Variants in MATR3 observed in about 807,000 individuals in gnomAD.
MATR3 encodes the protein matrin 3.
Under a neutral mutation model 85.5 loss-of-function variants are expected in MATR3, and 4 were observed. The observed-to-expected ratio is 0.05, with a 90% CI of 0.02 to 0.11. The LOEUF (loss-of-function observed/expected upper bound fraction) is 0.11. MATR3 is among the 10% of genes least tolerant of loss of function. The pLI, the probability that MATR3 is intolerant of heterozygous loss-of-function variation, is 1.00. For synonymous variants in MATR3, 336 were observed against 343.1 expected, an observed-to-expected ratio of 0.98 and a Z score of 0.23; for missense variants, 685 against 1,016.1, an observed-to-expected ratio of 0.67 and a Z score of 4.43.
chr5:139,297,681 G>C (rs1474370003), intron 1 of MATR3, among the ~76,000 whole-genome samples: 4 of 152,098 alleles, frequency 2.6e-5, no homozygotes, highest in Non-Finnish European at 5.9e-5. Flanking sequence ...GAGTGCCTTT[G>C]ATGTGATGTA....
At chr5:139,321,112 A>AT (rs1459425571) in intron 9 of MATR3, among the ~76,000 whole-genome samples, 1 of 151,438 alleles carries the variant, frequency 6.6e-6, no homozygotes, top group Non-Finnish European at 1.5e-5. Flanking sequence ...CACTAAAGTG[A>AT]TTCTTGGGGA....
chr5:139,308,870 C>CT (rs1239130434), intron 2 of MATR3, among the ~76,000 whole-genome samples: 1 of 152,036 alleles, frequency 6.6e-6, no homozygotes, highest in Non-Finnish European at 1.5e-5. Flanking sequence ...TTTAATTTCC[C>CT]TTTAACACAA....
At chr5:139,291,069 A>G (rs1197799454), upstream of MATR3, among the ~76,000 whole-genome samples, 1 of 152,112 alleles carries the variant, frequency 6.6e-6, no homozygotes, top group African/African-American at 2.4e-5. Flanking sequence ...GCAGTGAGCC[A>G]TGGTCACACC....
At chr5:139,308,892 A>G (rs1451987076) in intron 2 of MATR3, among the ~76,000 whole-genome samples, 2 of 152,138 alleles carry the variant, frequency 1.3e-5, no homozygotes, top group African/African-American at 2.4e-5. Context: ...CTCTCATACT[A>G]TGACTGAAAT....
At chr5:139,293,955 T>A (rs1035343082) in intron 1 of MATR3, 150 bp downstream of exon 1, 3 of 1,212,898 alleles carry the variant, frequency 2.5e-6, no homozygotes, top group Non-Finnish European at 3.1e-6. Flanking sequence ...GCGTTGCGTA[T>A]GTGAGCCGCC....
At chr5:139,275,249 A>G (rs532907581) in intron 1 of MATR3, among the ~76,000 whole-genome samples, 3 of 143,410 alleles carry the variant, frequency 2.1e-5, no homozygotes, top group Non-Finnish European at 4.5e-5. Flanking sequence ...CGCCAGCCTC[A>G]GCCTCCCAAA....
At chr5:139,284,679 CAT>C (rs1048662082) in intron 3 of MATR3, among the ~76,000 whole-genome samples, 40 of 151,888 alleles carry the variant, frequency 2.6e-4, no homozygotes, top group East Asian at 9.7e-4. Context: ...AACTAAAACA[CAT>C]GTGTAGGCTT....
intron 1 of MATR3, chr5:139,294,249 C>A (rs1236742763): frequency 2.5e-6 from 1 of 407,470 alleles, no homozygotes; most frequent in Non-Finnish European, 4.3e-6. Flanking sequence ...TGGGGGCTTG[C>A]CGTTTGAGGA....
rs886060002 is a variant in MATR3 at position 139,331,394 on chromosome 5, G to A, written c.*1999G>A. The A allele has an allele frequency of 2.2e-6, 1 of 453,968 alleles. No individual in the cohort carries two copies. The highest frequency in any genetic ancestry group is 2.0e-5 in the African/African-American group (1 of 49,998). The allele number at this position is 453,968 out of a possible 1,614,324, so 28.1% of individuals were successfully genotyped here. ...TCTTCAGTGTTTCCTTTCAGTGATG[G>A]CTTTTTCATAGCTTCAACTTTGTTG... On this transcript the variant is annotated 3_prime_UTR_variant, in exon 15 of 15. Transcript: ENST00000394805.
intron 14 of MATR3, among the ~76,000 whole-genome samples, chr5:139,327,596 T>G (rs1395835276): frequency 6.6e-6 from 1 of 152,028 alleles, no homozygotes; most frequent in East Asian, 1.9e-4. Flanking sequence ...TAATTTTGTA[T>G]TTTTAGTGGA....
upstream of MATR3, among the ~76,000 whole-genome samples, chr5:139,289,177 T>C (rs1191867989): frequency 2.0e-5 from 3 of 152,268 alleles, no homozygotes; most frequent in African/African-American, 7.2e-5. Context: ...AATCACATTT[T>C]GTAAGCTTTG....
upstream of MATR3, among the ~76,000 whole-genome samples, chr5:139,290,603 C>G (rs1168712631): frequency 6.6e-6 from 1 of 151,538 alleles, no homozygotes; most frequent in African/African-American, 2.4e-5. Context: ...GCGTATGCCA[C>G]CACGCCTGGG....
chr5:139,301,211 C>G (rs999179997), intron 1 of MATR3, among the ~76,000 whole-genome samples: 4 of 152,118 alleles, frequency 2.6e-5, no homozygotes, highest in African/African-American at 9.7e-5. Context: ...TGTAATAGAA[C>G]CAGGATTCAC....
chr5:139,321,971 T>G lies in MATR3; in HGVS notation c.1676T>G (p.Phe559Cys). 1 of 1,614,090 alleles carries G rather than the reference T, an allele frequency of 6.2e-7. No homozygotes were observed. The highest frequency in any genetic ancestry group is 8.5e-7 in the Non-Finnish European group (1 of 1,179,960). ...VDHCLKKALW[F>C]QGRCVKVDLS... The stretch of plus-strand genomic sequence containing the variant: ...CATTGTTTGAAAAAAGCCCTTTGGT[T>G]TCAGGGGAGATGTGTGAAGGTTGAC... The change falls in exon 10 of 15, where the codon TTT becomes TGT. Residue 559 changes from phenylalanine (F) to cysteine (C), a missense_variant. Coordinates refer to ENST00000394805, the MANE Select transcript of MATR3 (RefSeq NM_018834.6).
At chr5:139,292,582 C>G (rs997817721), upstream of MATR3, among the ~76,000 whole-genome samples, 1 of 152,178 alleles carries the variant, frequency 6.6e-6, no homozygotes, top group Non-Finnish European at 1.5e-5. Flanking sequence ...GTATTGCATT[C>G]AGTCAAATTC....
chr5:139,326,365 A>G (rs1755851321), intron 14 of MATR3, 81 bp downstream of exon 14: 2 of 1,342,634 alleles, frequency 1.5e-6, no homozygotes, highest in South Asian at 1.2e-5. Flanking sequence ...TAAAATGTGT[A>G]TAGTGTTCTC....
chr5:139,318,851 TC>T, intron 7 of MATR3, 56 bp from the exon 8 acceptor site: 1 of 1,573,754 alleles, frequency 6.4e-7, no homozygotes, highest in Non-Finnish European at 8.7e-7. Flanking sequence ...AATCTTTAGT[TC>T]AATGTGAGAA....
chr5:139,302,670 T>A (rs758439089), intron 1 of MATR3, among the ~76,000 whole-genome samples: 6 of 152,218 alleles, frequency 3.9e-5, no homozygotes, highest in Non-Finnish European at 8.8e-5. Context: ...GCAGCTACCT[T>A]CCAAATGGTG....
chr5:139,331,601 T>C lies in MATR3; in HGVS notation c.*2206T>C. 2.2e-6 allele frequency: 1 copy of C among 454,134 alleles called. No individual in the cohort carries two copies. Among genetic ancestry groups the C allele is most frequent in the Non-Finnish European group, 4.4e-6 (1 of 226,792 alleles). 28.1% of individuals were successfully genotyped at this position (454,134 alleles called of 1,614,324 possible). On this transcript the variant is annotated 3_prime_UTR_variant, in exon 15 of 15. Coordinates refer to ENST00000394805, the MANE Select transcript of MATR3 (RefSeq NM_018834.6). ...TTGCTGTAAAGTTTAAGAACATTTT[T>C]CCTACGGCTATGTCAGCCCTTAGTT... is the stretch of plus-strand genomic sequence containing the variant.
Sources: allele counts gnomAD v4.1 joint callset (sites outside exome capture counted in the v4.1 genomes callset), GRCh38; gene constraint gnomAD v4.1.1; transcripts MANE v1.5; gene names NCBI Gene and HGNC (gene_info 2026-07-23, HGNC 2026-07-21).